MOSMO: variants seen among roughly 807,000 people sequenced by gnomAD.
The protein encoded by MOSMO is modulator of smoothened protein.
In MOSMO, 5 loss-of-function variants were observed where a neutral mutation model predicts 18.4. That is an observed-to-expected ratio of 0.27 (90% CI 0.14 to 0.57). The LOEUF is 0.57. Ranked by LOEUF, MOSMO falls within the 20% of genes least tolerant of loss-of-function variation. The pLI, the probability that MOSMO is intolerant of heterozygous loss-of-function variation, is 0.92. For missense variants in MOSMO, 138 were observed against 211.8 expected (o/e 0.65, Z 2.16); for synonymous variants, 82 against 82.3 (o/e 1.00, Z 0.02).
intron 1 of MOSMO, among the ~76,000 whole-genome samples, chr16:22,069,709 C>T (rs1900811233): frequency 6.6e-6 from 1 of 152,132 alleles, no homozygotes; most frequent in Admixed American, 6.6e-5. Context: ...GGGCAAAAGC[C>T]AACCTTCAGT....
chr16:22,036,559 T>C (rs1031553089), intron 1 of MOSMO, among the ~76,000 whole-genome samples: 2 of 152,204 alleles, frequency 1.3e-5, no homozygotes, highest in African/African-American at 4.8e-5. Context: ...GTGATGCTCC[T>C]ATCTCCGCCC....
At chr16:22,014,165 T>TGC (rs1470593059) in intron 1 of MOSMO, among the ~76,000 whole-genome samples, 16 of 152,048 alleles carry the variant, frequency 1.1e-4, no homozygotes, top group African/African-American at 3.9e-4. Context: ...AGACAAAATG[T>TGC]TGGATCACAT....
At chr16:22,046,542 A>C (rs906120421) in intron 1 of MOSMO, among the ~76,000 whole-genome samples, 6 of 152,210 alleles carry the variant, frequency 3.9e-5, no homozygotes, top group African/African-American at 1.4e-4. Flanking sequence ...GAAGCACTGT[A>C]ACTCATGCCT....
intron 1 of MOSMO, among the ~76,000 whole-genome samples, chr16:22,066,322 T>C (rs773671598): frequency 1.3e-5 from 2 of 152,148 alleles, no homozygotes; most frequent in Non-Finnish European, 2.9e-5. Context: ...TCCTGAGGTA[T>C]TGGGGTAACA....
At chr16:22,015,703 G>C (rs1427061866) in intron 1 of MOSMO, among the ~76,000 whole-genome samples, 1 of 152,080 alleles carries the variant, frequency 6.6e-6, no homozygotes, top group African/African-American at 2.4e-5. Context: ...TTTTCCAATA[G>C]GAAATTAGAT....
chr16:22,029,170 A>G (rs1270473448), intron 1 of MOSMO, among the ~76,000 whole-genome samples: 2 of 152,112 alleles, frequency 1.3e-5, no homozygotes, highest in African/African-American at 4.8e-5. Flanking sequence ...ACGCCTGGCT[A>G]TGTTTATATT....
At chr16:22,025,902 C>G (rs1013576074) in intron 1 of MOSMO, among the ~76,000 whole-genome samples, 3 of 152,194 alleles carry the variant, frequency 2.0e-5, no homozygotes, top group South Asian at 4.1e-4. Context: ...TAGTACCTCT[C>G]TCTTATTAAC....
chr16:22,081,744 A>G lies in MOSMO; in HGVS notation c.*864A>G, dbSNP rs191490575. The G allele has an allele frequency of 2.2e-3, 334 of 152,070 alleles. 2 individuals carry two copies. Among genetic ancestry groups the G allele is most frequent in the African/African-American group, 7.3e-3 (305 of 41,504 alleles). The allele number at this position is 152,070 out of a possible 1,614,324, so 9.4% of individuals were successfully genotyped here. On this transcript the variant is annotated 3_prime_UTR_variant, in exon 3 of 3. Transcript: ENST00000542527. ...CTGTGGTGTGCAAACCTAGAACCCAATAGAAAAAAAAGCCATTTATCTGAA... is the reference window on the plus strand; with the variant it reads ...CTGTGGTGTGCAAACCTAGAACCCAGTAGAAAAAAAAGCCATTTATCTGAA...
the MOSMO span, chr16:22,092,608 G>A: frequency 3.2e-6 from 5 of 1,550,202 alleles, no homozygotes; most frequent in Middle Eastern, 1.7e-4. Flanking sequence ...TGGAGTGCCA[G>A]GAGCCCTTCT....
chr16:22,035,120 C>T (rs907170505), intron 1 of MOSMO, among the ~76,000 whole-genome samples: 1 of 151,944 alleles, frequency 6.6e-6, no homozygotes, highest in Non-Finnish European at 1.5e-5. Flanking sequence ...ATATGAATGA[C>T]GGTAAGGTAC....
intron 1 of MOSMO, among the ~76,000 whole-genome samples, chr16:22,044,463 T>C (rs1900269123): frequency 6.6e-6 from 1 of 152,186 alleles, no homozygotes; most frequent in Non-Finnish European, 1.5e-5. Context: ...AAATCCCAAA[T>C]GCTCCAGAAT....
At chr16:22,058,925 G>T (rs1404997956) in intron 1 of MOSMO, among the ~76,000 whole-genome samples, 7 of 152,152 alleles carry the variant, frequency 4.6e-5, no homozygotes, top group Admixed American at 3.9e-4. Context: ...GAAGAAAAGG[G>T]CAGCTTGGGA....
intron 1 of MOSMO, among the ~76,000 whole-genome samples, chr16:22,065,000 T>C (rs1243206081): frequency 6.6e-6 from 1 of 152,234 alleles, no homozygotes; most frequent in Non-Finnish European, 1.5e-5. Flanking sequence ...AGAGTCATAG[T>C]GCCATAGTGA....
chr16:22,050,813 CT>C (rs1900408043), intron 1 of MOSMO, among the ~76,000 whole-genome samples: 2 of 149,198 alleles, frequency 1.3e-5, no homozygotes, highest in African/African-American at 2.5e-5. Flanking sequence ...AGGAGGATCA[CT>C]TGAGCCCAGA....
At chr16:22,054,582 T>C (rs1234163715) in intron 1 of MOSMO, among the ~76,000 whole-genome samples, 2 of 152,266 alleles carry the variant, frequency 1.3e-5, no homozygotes, top group African/African-American at 4.8e-5. Context: ...ATTTTGTTCA[T>C]GTTTTTTAAC....
chr16:22,031,117 G>A (rs1899985166), intron 1 of MOSMO, among the ~76,000 whole-genome samples: 1 of 152,172 alleles, frequency 6.6e-6, no homozygotes, highest in Non-Finnish European at 1.5e-5. Context: ...ATAGAGGAAT[G>A]ACATCTAAGC....
chr16:22,044,346 T>G (rs1440341515), intron 1 of MOSMO, among the ~76,000 whole-genome samples: 1 of 152,198 alleles, frequency 6.6e-6, no homozygotes, highest in Non-Finnish European at 1.5e-5. Flanking sequence ...TAATAACTAA[T>G]TTATTAAGTA....
At chr16:22,040,939 G>A (rs1900198926) in intron 1 of MOSMO, among the ~76,000 whole-genome samples, 1 of 152,060 alleles carries the variant, frequency 6.6e-6, no homozygotes, top group Non-Finnish European at 1.5e-5. Context: ...ACTCCAGCCT[G>A]GGCAACAGAT....
chr16:22,037,100 A>G (rs1900123968), intron 1 of MOSMO, among the ~76,000 whole-genome samples: 1 of 152,054 alleles, frequency 6.6e-6, no homozygotes, highest in South Asian at 2.1e-4. Flanking sequence ...TGCTGAGAAA[A>G]AGCTAGACTC....
Sources: allele counts gnomAD v4.1 joint callset (sites outside exome capture counted in the v4.1 genomes callset), GRCh38; gene constraint gnomAD v4.1.1; transcripts MANE v1.5; gene names NCBI Gene and HGNC (gene_info 2026-07-23, HGNC 2026-07-21).